SETBP1: variants seen among roughly 807,000 people sequenced by gnomAD.
SETBP1 encodes the protein SET-binding protein.
In SETBP1, 9 loss-of-function variants were observed where a neutral mutation model predicts 101.0. That is an observed-to-expected ratio of 0.09 (90% CI 0.05 to 0.16). SETBP1 has a LOEUF of 0.16. SETBP1 is among the 10% of genes least tolerant of loss of function. SETBP1 has a pLI of 1.00. For synonymous variants in SETBP1, 818 were observed against 788.5 expected (o/e 1.04, Z -0.63); for missense variants, 1,858 against 2,033.8 (o/e 0.91, Z 1.66).
At chr18:44,942,606 G>A (rs2145053665) in intron 3 of SETBP1, among the ~76,000 whole-genome samples, 1 of 152,248 alleles carries the variant, frequency 6.6e-6, no homozygotes, top group Non-Finnish European at 1.5e-5. Flanking sequence ...GGAACCTCGT[G>A]AGTTTCCCTT....
At chr18:44,928,901 G>C (rs1202049300) in intron 3 of SETBP1, among the ~76,000 whole-genome samples, 2 of 152,166 alleles carry the variant, frequency 1.3e-5, no homozygotes, top group African/African-American at 2.4e-5. Context: ...TCTGATGGTA[G>C]TTTCTTTTGC....
chr18:44,861,600 A>T (rs1477594101), intron 2 of SETBP1, among the ~76,000 whole-genome samples: 1 of 152,072 alleles, frequency 6.6e-6, no homozygotes, highest in Non-Finnish European at 1.5e-5. Flanking sequence ...GGCTCATAAG[A>T]TATTATGATG....
chr18:44,832,353 G>A (rs747008054), intron 2 of SETBP1, among the ~76,000 whole-genome samples: 23 of 152,176 alleles, frequency 1.5e-4, no homozygotes, highest in Admixed American at 4.6e-4. Context: ...TAGAGGTTCT[G>A]ACTCTGAAGA....
intron 1 of SETBP1, among the ~76,000 whole-genome samples, chr18:44,685,538 G>A (rs994132057): frequency 7.2e-5 from 11 of 152,112 alleles, no homozygotes; most frequent in Admixed American, 1.3e-4. Context: ...TCTTTGGATC[G>A]TGTCCCTGTA....
intron 2 of SETBP1, among the ~76,000 whole-genome samples, chr18:44,785,753 G>A (rs1599124250): frequency 1.3e-5 from 2 of 152,262 alleles, no homozygotes; most frequent in East Asian, 1.9e-4. Context: ...ACAGCACATG[G>A]CGTTTCAGGT....
At chr18:45,049,358 G>A (rs2073683203) in intron 5 of SETBP1, among the ~76,000 whole-genome samples, 1 of 152,166 alleles carries the variant, frequency 6.6e-6, no homozygotes, top group Non-Finnish European at 1.5e-5. Context: ...TCTAGAATAA[G>A]GCAGGGTGAC....
chr18:44,805,298 C>T (rs1417889201), intron 2 of SETBP1, among the ~76,000 whole-genome samples: 3 of 152,072 alleles, frequency 2.0e-5, no homozygotes, highest in East Asian at 3.9e-4. Flanking sequence ...TGGGAACCTG[C>T]TTATTTGCTG....
intron 2 of SETBP1, among the ~76,000 whole-genome samples, chr18:44,801,106 G>A (rs965136330): frequency 1.3e-5 from 2 of 152,094 alleles, no homozygotes; most frequent in African/African-American, 4.8e-5. Context: ...ATAGGAAGGG[G>A]AATATCACAC....
At chr18:44,902,091 C>A (rs574235982) in intron 3 of SETBP1, among the ~76,000 whole-genome samples, 105 of 152,206 alleles carry the variant, frequency 6.9e-4, no homozygotes, top group African/African-American at 2.3e-3. Context: ...AAATTCAGTT[C>A]TTGGGTCACA....
At chr18:44,935,329 T>G (rs1018008496) in intron 3 of SETBP1, among the ~76,000 whole-genome samples, 1 of 152,192 alleles carries the variant, frequency 6.6e-6, no homozygotes, top group Admixed American at 6.5e-5. Context: ...GTAAAAAGCA[T>G]TAATATAAAG....
intron 2 of SETBP1, among the ~76,000 whole-genome samples, chr18:44,760,893 T>A (rs2070625329): frequency 6.6e-6 from 1 of 152,184 alleles, no homozygotes; most frequent in East Asian, 1.9e-4. Flanking sequence ...AAGATTTAAG[T>A]TATGTTTATG....
In SETBP1 at chr18:44,852,007, C is replaced by T. The variant is rs376108223; in HGVS notation, c.487-17223C>T. ...CCCAGGTGCAGGCGGTTCTAGGAAG[C>T]GAATAAGAGCCTCAGCTTTGATCAC... On this transcript the variant is annotated intron_variant, in intron 2 of 5. Transcript: ENST00000649279. Among the ~76,000 whole-genome samples, 8 of 152,318 alleles carry T rather than the reference C, an allele frequency of 5.3e-5. 1 individual carries two copies. Among genetic ancestry groups the T allele is most frequent in the South Asian group, 4.1e-4 (2 of 4,830 alleles).
intron 4 of SETBP1, among the ~76,000 whole-genome samples, chr18:44,979,834 C>A (rs1180471541): frequency 2.6e-5 from 4 of 152,220 alleles, no homozygotes; most frequent in African/African-American, 9.6e-5. Context: ...GCTCACAGAG[C>A]AGAAACATGT....
chr18:44,931,667 T>C (rs1450221923), intron 3 of SETBP1, among the ~76,000 whole-genome samples: 2 of 152,248 alleles, frequency 1.3e-5, no homozygotes, highest in African/African-American at 4.8e-5. Flanking sequence ...CTCTTCTTGT[T>C]GAGTTGATCC....
At chr18:44,802,216 C>G (rs2071621992) in intron 2 of SETBP1, among the ~76,000 whole-genome samples, 1 of 152,144 alleles carries the variant, frequency 6.6e-6, no homozygotes, top group South Asian at 2.1e-4. Flanking sequence ...AGTCATTCTT[C>G]TGAGGATCCA....
At chr18:45,028,460 G>T (rs1393399971) in intron 4 of SETBP1, among the ~76,000 whole-genome samples, 3 of 152,098 alleles carry the variant, frequency 2.0e-5, no homozygotes, top group Admixed American at 1.3e-4. Flanking sequence ...GAATAGTGCC[G>T]CAATAAACAT....
chr18:44,941,964 G>A (rs1030353752), intron 3 of SETBP1, among the ~76,000 whole-genome samples: 1 of 152,096 alleles, frequency 6.6e-6, no homozygotes, highest in African/African-American at 2.4e-5. Context: ...GGTCCCATTT[G>A]CCTGCTTCTT....
At chr18:44,717,234 C>T (rs2069487388) in intron 2 of SETBP1, among the ~76,000 whole-genome samples, 1 of 152,190 alleles carries the variant, frequency 6.6e-6, no homozygotes, top group Non-Finnish European at 1.5e-5. Context: ...TCTGACTCTG[C>T]CTTCTGGAAA....
chr18:44,813,993 T>C (rs1391193834), intron 2 of SETBP1, among the ~76,000 whole-genome samples: 1 of 152,126 alleles, frequency 6.6e-6, no homozygotes, highest in Non-Finnish European at 1.5e-5. Flanking sequence ...TCCTATAGGC[T>C]GGAAATAATG....
Sources: gnomAD v4.1 joint callset for allele counts (sites outside exome capture counted in the v4.1 genomes callset) on GRCh38, gnomAD v4.1.1 for gene constraint, MANE v1.5 for transcripts, NCBI Gene and HGNC (gene_info 2026-07-23, HGNC 2026-07-21) for gene names.